The following LAPTM4B variants were observed in gnomAD, a reference collection of about 807,000 sequenced individuals.
The protein encoded by LAPTM4B is lysosomal protein transmembrane 4 beta.
LAPTM4B carries 26 observed loss-of-function variants against 28.5 expected under a neutral mutation model. The ratio of observed to expected loss-of-function variants is 0.91; its 90% CI spans 0.67 to 1.27. The LOEUF is 1.27. LAPTM4B is among the 50% of genes most tolerant of loss of function. The probability of loss-of-function intolerance (pLI) is 0.00; values close to 1 mark genes in which losing one functional copy is unlikely to be tolerated. For synonymous variants in LAPTM4B, 109 were observed against 106.4 expected (o/e 1.02, Z -0.15); for missense variants, 288 against 285.8 (o/e 1.01, Z -0.06).
chr8:97,829,984 C>T (rs527513740), intron 6 of LAPTM4B, among the ~76,000 whole-genome samples: 16 of 152,222 alleles, frequency 1.1e-4, no homozygotes, highest in African/African-American at 3.4e-4. Context: ...CATGAGCCAC[C>T]GCGCCCAGCC....
chr8:97,781,574 G>A (rs1446932419), intron 1 of LAPTM4B, among the ~76,000 whole-genome samples: 1 of 151,934 alleles, frequency 6.6e-6, no homozygotes, highest in Non-Finnish European at 1.5e-5. Flanking sequence ...CACCGTGCCC[G>A]GCAAAATTCA....
intron 1 of LAPTM4B, among the ~76,000 whole-genome samples, chr8:97,799,841 A>G (rs929995484): frequency 2.0e-5 from 3 of 151,706 alleles, no homozygotes; most frequent in African/African-American, 7.3e-5. Flanking sequence ...ATACCCCCTG[A>G]CCCTGGCGTT....
At chr8:97,812,286 C>G (rs1181828706) in intron 2 of LAPTM4B, among the ~76,000 whole-genome samples, 1 of 132,638 alleles carries the variant, frequency 7.5e-6, no homozygotes, top group East Asian at 2.4e-4. Context: ...GTGCTGCTAT[C>G]TTGGCTCACT....
At chr8:97,781,362 C>G (rs1427701986) in intron 1 of LAPTM4B, among the ~76,000 whole-genome samples, 3 of 141,682 alleles carry the variant, frequency 2.1e-5, no homozygotes, top group Admixed American at 7.5e-5. Context: ...TCACTGCAAC[C>G]TTCGCCTCCT....
chr8:97,829,504 CAGT>C (rs1817146407), intron 6 of LAPTM4B, among the ~76,000 whole-genome samples: 1 of 151,826 alleles, frequency 6.6e-6, no homozygotes, highest in Non-Finnish European at 1.5e-5. Flanking sequence ...AAGGGAATTC[CAGT>C]AGGTAATTGT....
chr8:97,815,544 A>G (rs1816898155), intron 3 of LAPTM4B, 143 bp downstream of exon 3: 2 of 675,288 alleles, frequency 3.0e-6, no homozygotes, highest in East Asian at 2.7e-5. Context: ...ATGTGGTACT[A>G]GGAAAACCAA....
intron 6 of LAPTM4B, among the ~76,000 whole-genome samples, chr8:97,846,525 C>G (rs1197968310): frequency 3.3e-5 from 5 of 152,134 alleles, no homozygotes; most frequent in Non-Finnish European, 7.4e-5. Flanking sequence ...CGGGGTTTCT[C>G]CATGTTAGTC....
At chr8:97,849,655 C>T (rs924835441) in intron 6 of LAPTM4B, among the ~76,000 whole-genome samples, 2 of 152,236 alleles carry the variant, frequency 1.3e-5, no homozygotes, top group Non-Finnish European at 2.9e-5. Context: ...GTGTTGCTGG[C>T]CAGTTATCGG....
intron 6 of LAPTM4B, 48 bp from the exon 7 acceptor site, chr8:97,851,349 G>T: frequency 7.1e-7 from 1 of 1,415,752 alleles, no homozygotes; most frequent in Non-Finnish European, 1.0e-6. Flanking sequence ...CTCGGGGAAC[G>T]TGTGTGCTCT....
intron 2 of LAPTM4B, among the ~76,000 whole-genome samples, chr8:97,810,578 A>G (rs1188344303): frequency 1.3e-5 from 2 of 152,236 alleles, no homozygotes; most frequent in African/African-American, 2.4e-5. Context: ...CTGACCTAGA[A>G]GCTCAAAGAG....
intron 6 of LAPTM4B, among the ~76,000 whole-genome samples, chr8:97,838,995 G>A (rs904926489): frequency 6.6e-6 from 1 of 152,090 alleles, no homozygotes; most frequent in Non-Finnish European, 1.5e-5. Context: ...TGTCATATGC[G>A]CATACAGCTT....
At chr8:97,824,664 A>C (rs1169057206) in intron 5 of LAPTM4B, among the ~76,000 whole-genome samples, 1 of 152,232 alleles carries the variant, frequency 6.6e-6, no homozygotes, top group Non-Finnish European at 1.5e-5. Flanking sequence ...ATTTCCAAAG[A>C]AGCAGTTAAA....
rs1242564056 is a variant in LAPTM4B, at chr8:97,848,252, ACT to A, written c.604-3139_604-3138del. ...ACTCCAGCCTGGGTGACAGAGCAAGACTCTCTCGAAACAAAACAAAACCAAAG... is the reference window on the plus strand; with the variant it reads ...ACTCCAGCCTGGGTGACAGAGCAAGACTCTCGAAACAAAACAAAACCAAAG... On this transcript the variant is annotated intron_variant, in intron 6 of 6. Coordinates refer to ENST00000521545, the MANE Select transcript of LAPTM4B (RefSeq NM_018407.6). Among the ~76,000 whole-genome samples the A allele has an allele frequency of 7.2e-5, 11 of 152,330 alleles. No individual in the cohort carries two copies. In the South Asian group the frequency reaches 1.9e-3, roughly 26 times the overall value.
rs1817531612 is a variant in LAPTM4B, at chr8:97,852,037, T to G, written c.*563T>G. On this transcript the variant is annotated 3_prime_UTR_variant, in exon 7 of 7. Coordinates refer to ENST00000521545, the MANE Select transcript of LAPTM4B (RefSeq NM_018407.6). ...TTGTGTTTGGTGGTAAAGGATTTTC[T>G]CCATGGCCTGAATTAAGACCATTAG... 6.5e-6 allele frequency: 1 copy of G among 154,924 alleles called. No homozygotes were observed. The highest frequency in any genetic ancestry group is 6.4e-5 in the Admixed American group (1 of 15,660). The allele number at this position is 154,924 out of a possible 1,614,324, so 9.6% of individuals were successfully genotyped here. A position where few individuals can be genotyped will look rare whatever the true frequency, so the allele number is the denominator to read the frequency against.
intron 1 of LAPTM4B, among the ~76,000 whole-genome samples, chr8:97,805,134 C>T (rs1816739864): frequency 6.6e-6 from 1 of 152,078 alleles, no homozygotes; most frequent in Non-Finnish European, 1.5e-5. Flanking sequence ...TCACTCCAAG[C>T]CTTGTGCACT....
intron 1 of LAPTM4B, among the ~76,000 whole-genome samples, chr8:97,778,863 G>T (rs942166619): frequency 6.6e-6 from 1 of 152,140 alleles, no homozygotes; most frequent in Non-Finnish European, 1.5e-5. Context: ...ATTCGTCTCA[G>T]AGTGTGGTTT....
Position 97,805,352 on chromosome 8 carries a change from G to C in LAPTM4B, c.100-1G>C. 8.4e-7 allele frequency: 1 copy of C among 1,187,778 alleles called. No individual in the cohort carries two copies. Among genetic ancestry groups the C allele is most frequent in the East Asian group, 2.4e-5 (1 of 41,324 alleles). 73.6% of individuals were successfully genotyped at this position (1,187,778 alleles called of 1,614,324 possible). A position where few individuals can be genotyped will look rare whatever the true frequency, so the allele number is the denominator to read the frequency against. On this transcript the variant is annotated splice_acceptor_variant, in intron 1 of 6. Coordinates refer to ENST00000521545, the MANE Select transcript of LAPTM4B (RefSeq NM_018407.6). LOFTEE classifies it high-confidence loss of function. ...TTTTTTTTTTTTTTTTCTTGTTGCA[G>C]ATCATCAATGCTGTGGTACTGTTGA...
chr8:97,821,513 CAAAG>C (rs1817001803), intron 5 of LAPTM4B, among the ~76,000 whole-genome samples: 1 of 151,824 alleles, frequency 6.6e-6, no homozygotes, highest in Non-Finnish European at 1.5e-5. Flanking sequence ...GGTAATCAAA[CAAAG>C]AAGCAGGTAG....
chr8:97,813,113 C>T (rs1019621342), intron 2 of LAPTM4B, among the ~76,000 whole-genome samples: 1 of 152,208 alleles, frequency 6.6e-6, no homozygotes, highest in African/African-American at 2.4e-5. Flanking sequence ...ACTTATATGA[C>T]CACAAGGTAA....
Sources: allele counts gnomAD v4.1 joint callset (sites outside exome capture counted in the v4.1 genomes callset), GRCh38; gene constraint gnomAD v4.1.1; transcripts MANE v1.5; gene names NCBI Gene and HGNC (gene_info 2026-07-23, HGNC 2026-07-21).